The following RUNX1 variants were observed in gnomAD, a reference collection of about 807,000 sequenced individuals.
The protein encoded by RUNX1 is runt-related transcription factor 1.
RUNX1 carries 19 observed loss-of-function variants against 42.8 expected under a neutral mutation model. The ratio of observed to expected loss-of-function variants is 0.44; its 90% CI spans 0.31 to 0.65. RUNX1 has a LOEUF of 0.65. Ranked by LOEUF, RUNX1 falls within the 30% of genes least tolerant of loss-of-function variation. The probability of loss-of-function intolerance (pLI) is 0.07; values close to 1 mark genes in which losing one functional copy is unlikely to be tolerated. For missense variants in RUNX1, 528 were observed against 672.0 expected (o/e 0.79, Z 2.37); for synonymous variants, 271 against 289.4 (o/e 0.94, Z 0.64).
intron 2 of RUNX1, among the ~76,000 whole-genome samples, chr21:34,932,051 G>A (rs2058451401): frequency 6.6e-6 from 1 of 152,164 alleles, no homozygotes; most frequent in Non-Finnish European, 1.5e-5. Flanking sequence ...AAAAGGTAAG[G>A]ACAGTGCAGA....
intron 2 of RUNX1, among the ~76,000 whole-genome samples, chr21:34,974,818 T>C (rs1227872418): frequency 1.3e-5 from 2 of 152,268 alleles, no homozygotes; most frequent in African/African-American, 4.8e-5. Flanking sequence ...AAATCTGTTT[T>C]TGTGAGTCAG....
At chr21:34,972,605 T>C (rs931943990) in intron 2 of RUNX1, among the ~76,000 whole-genome samples, 13 of 152,240 alleles carry the variant, frequency 8.5e-5, no homozygotes, top group Admixed American at 2.6e-4. Context: ...TTGTGAATCT[T>C]ATCATAAAAT....
Position 35,034,734 on chromosome 21 carries a change from C to T in RUNX1, c.58+14108G>A, listed in dbSNP as rs139861547. Among the ~76,000 whole-genome samples, 13 of 152,286 alleles carry T rather than the reference C, an allele frequency of 8.5e-5. No homozygotes were observed. The East Asian group carries it at 1.9e-3, about 23-fold the overall frequency. ...ATTCGGTTGCAAATGTCAACTGTGG[C>T]GAGGTCGGGAAACCCTGTCTGGTGT... On this transcript the variant is annotated intron_variant, in intron 2 of 8. Coordinates refer to ENST00000675419, the MANE Select transcript of RUNX1 (RefSeq NM_001754.5).
chr21:34,861,227 C>A (rs911519098), intron 5 of RUNX1, among the ~76,000 whole-genome samples: 2 of 152,170 alleles, frequency 1.3e-5, no homozygotes, highest in Non-Finnish European at 2.9e-5. Context: ...GCTTTCCTAC[C>A]GTGGCATCTA....
chr21:34,834,503 C>T lies in RUNX1; in HGVS notation c.712G>A (p.Val238Ile), dbSNP rs761086208. 26 of 1,613,330 alleles carry T rather than the reference C, an allele frequency of 1.6e-5. No individual in the cohort carries two copies. The highest frequency in any genetic ancestry group is 2.0e-5 in the Non-Finnish European group (24 of 1,179,966). The part of the protein sequence containing the change: ...LEQLRRTAMR[V>I]SPHHPAPTPN... ...GTGGGGGCTGGGTGGTGTGGGCTGA[C>T]CCTCATGGCTGTGCGCCGCAGCTGC... Residue 238 changes from valine to isoleucine, a missense_variant, in exon 7 of 9, where the codon GTC becomes ATC. Around this residue, in one of 3 missense-constraint regions of RUNX1, gnomAD observed 331 missense variants for 382.5 expected, o/e 0.87. Coordinates refer to ENST00000675419, the MANE Select transcript of RUNX1 (RefSeq NM_001754.5).
At chr21:34,887,253 G>A in intron 3 of RUNX1, 157 bp from the exon 4 acceptor site, 2 of 1,294,176 alleles carry the variant, frequency 1.5e-6, no homozygotes, top group Non-Finnish European at 2.0e-6. Context: ...GGGGGGGGGC[G>A]GGGGTGGTTA....
At chr21:34,897,870 AAG>A (rs2058143040) in intron 2 of RUNX1, among the ~76,000 whole-genome samples, 1 of 152,200 alleles carries the variant, frequency 6.6e-6, no homozygotes, top group Non-Finnish European at 1.5e-5. Context: ...CATGGAAAAA[AAG>A]AGATTTTTTT....
Position 34,884,945 on chromosome 21 carries a change from T to C in RUNX1, c.351+1898A>G, listed in dbSNP as rs567408385. On this transcript the variant is annotated intron_variant, in intron 4 of 8. Coordinates refer to ENST00000675419, the MANE Select transcript of RUNX1 (RefSeq NM_001754.5). ...AAAAGTCATTTTAAAAAGGAAACTCTATGGTTATTATGGTTTCTGCTAGAA... is the reference window on the plus strand; with the variant it reads ...AAAAGTCATTTTAAAAAGGAAACTCCATGGTTATTATGGTTTCTGCTAGAA... Among the ~76,000 whole-genome samples, 544 of 152,330 alleles carry C rather than the reference T, an allele frequency of 3.6e-3. 5 individuals carry two copies. The highest frequency in any genetic ancestry group is 0.012 in the African/African-American group (518 of 41,556).
At chr21:34,888,077 A>C (rs1388105659) in intron 3 of RUNX1, 1 of 1,065,876 alleles carries the variant, frequency 9.4e-7, no homozygotes, top group East Asian at 4.9e-5. Context: ...GAGCAGCCGC[A>C]GAGTCACACA....
At chr21:35,038,576 TC>T (rs764041286) in intron 2 of RUNX1, 26 of 132,736 alleles carry the variant, frequency 2.0e-4, no homozygotes, top group Admixed American at 1.3e-3. Context: ...TGCTGGCCTC[TC>T]TCTCTCTCTC....
At chr21:34,794,635 G>A (rs1374958109) in intron 8 of RUNX1, among the ~76,000 whole-genome samples, 3 of 152,224 alleles carry the variant, frequency 2.0e-5, no homozygotes, top group Non-Finnish European at 4.4e-5. Context: ...GGGCTGTCCT[G>A]TGGTTCACTG....
intron 6 of RUNX1, among the ~76,000 whole-genome samples, chr21:34,855,724 A>G (rs149744471): frequency 0.02 from 3,029 of 152,250 alleles, 117 homozygotes; most frequent in African/African-American, 0.069. Context: ...CAAACAAACA[A>G]ACAAACAAAA....
chr21:34,795,268 G>A (rs183703609), intron 8 of RUNX1, among the ~76,000 whole-genome samples: 7 of 152,300 alleles, frequency 4.6e-5, no homozygotes, highest in Admixed American at 1.3e-4. Flanking sequence ...GGAAGGCAGC[G>A]GCAGTTGATC....
chr21:34,887,412 G>T lies in RUNX1; in HGVS notation c.98-316C>A, dbSNP rs2058014388. 1.0e-5 allele frequency: 14 copies of T among 1,385,764 alleles called. No homozygotes were observed. In the South Asian group the frequency reaches 2.1e-4, roughly 21 times the overall value. The allele number at this position is 1,385,764 out of a possible 1,614,324, so 85.8% of individuals were successfully genotyped here. On this transcript the variant is annotated intron_variant, in intron 3 of 8. Transcript: ENST00000675419. ...CTATCTTCCACGAATCTTGCTTGCAGAGGTTAAGTTCTGTCTTTGGCTGTT... is the reference window on the plus strand; with the variant it reads ...CTATCTTCCACGAATCTTGCTTGCATAGGTTAAGTTCTGTCTTTGGCTGTT...
chr21:34,854,798 G>T (rs533628706), intron 6 of RUNX1, among the ~76,000 whole-genome samples: 1 of 152,136 alleles, frequency 6.6e-6, no homozygotes, highest in Non-Finnish European at 1.5e-5. Flanking sequence ...CCACCCAAAA[G>T]GAATCCCGTG....
intron 2 of RUNX1, among the ~76,000 whole-genome samples, chr21:34,898,449 T>C (rs1475962109): frequency 6.6e-6 from 1 of 152,200 alleles, no homozygotes; most frequent in African/African-American, 2.4e-5. Context: ...TCCCTATTTC[T>C]GGAGCTCAGT....
At chr21:34,807,369 G>C (rs1490464007) in intron 7 of RUNX1, among the ~76,000 whole-genome samples, 4 of 152,084 alleles carry the variant, frequency 2.6e-5, no homozygotes, top group Non-Finnish European at 5.9e-5. Flanking sequence ...CTTGGAGAAG[G>C]TTATAGTTAG....
At chr21:34,964,701 GT>G (rs1485869668) in intron 2 of RUNX1, among the ~76,000 whole-genome samples, 1 of 152,206 alleles carries the variant, frequency 6.6e-6, no homozygotes, top group Non-Finnish European at 1.5e-5. Flanking sequence ...AGGAAAAGTA[GT>G]ATGATGGTTT....
chr21:34,966,462 T>C (rs1017215561), intron 2 of RUNX1, among the ~76,000 whole-genome samples: 3 of 152,164 alleles, frequency 2.0e-5, no homozygotes, highest in African/African-American at 4.8e-5. Context: ...TAAAGCCACA[T>C]GGCCAATGAA....
Sources: allele counts gnomAD v4.1 joint callset (sites outside exome capture counted in the v4.1 genomes callset), GRCh38; gene constraint gnomAD v4.1.1; regional missense constraint gnomAD v4.1.1; transcripts MANE v1.5; gene names NCBI Gene and HGNC (gene_info 2026-07-23, HGNC 2026-07-21).